Variants in ZDHHC7 observed in about 807,000 individuals in gnomAD.
ZDHHC7 encodes palmitoyltransferase ZDHHC7.
Under a neutral mutation model 34.1 loss-of-function variants are expected in ZDHHC7, and 12 were observed. The observed-to-expected ratio is 0.35, with a 90% CI of 0.23 to 0.57. The LOEUF (loss-of-function observed/expected upper bound fraction) is 0.57. Among genes scored for constraint, ZDHHC7 ranks in the 20% least tolerant of loss-of-function variants. The pLI is 0.84. For synonymous variants in ZDHHC7, 185 were observed against 155.4 expected, an observed-to-expected ratio of 1.19 and a Z score of -1.42; for missense variants, 388 against 402.7, an observed-to-expected ratio of 0.96 and a Z score of 0.31.
At chr16:84,978,588 C>T (rs2072327905) in intron 5 of ZDHHC7, among the ~76,000 whole-genome samples, 1 of 151,838 alleles carries the variant, frequency 6.6e-6, no homozygotes, top group African/African-American at 2.4e-5. Flanking sequence ...AACGGCCGGG[C>T]ACGGTGGCTC....
At chr16:84,990,140 T>G (rs984960024) in intron 3 of ZDHHC7, among the ~76,000 whole-genome samples, 164 bp downstream of exon 3, 2 of 152,214 alleles carry the variant, frequency 1.3e-5, no homozygotes, top group African/African-American at 2.4e-5. Flanking sequence ...ATGTTTATTC[T>G]CAGCCTAAAG....
At chr16:85,018,643 C>A in the ZDHHC7 span, among the ~76,000 whole-genome samples, 5 of 152,162 alleles carry the variant, frequency 3.3e-5, no homozygotes, top group Non-Finnish European at 7.4e-5. Context: ...GACGGGGTAT[C>A]TCCATGTTGG....
chr16:85,008,570 A>C (rs1335991871), intron 1 of ZDHHC7, among the ~76,000 whole-genome samples: 44 of 151,580 alleles, frequency 2.9e-4, no homozygotes, highest in Non-Finnish European at 4.4e-5. Flanking sequence ...GTGGACTGGC[A>C]CTATTCCCAC....
chr16:85,002,256 C>G (rs1011021186), intron 1 of ZDHHC7, among the ~76,000 whole-genome samples: 4 of 152,112 alleles, frequency 2.6e-5, no homozygotes, highest in African/African-American at 7.2e-5. Flanking sequence ...CTCCCCACCC[C>G]TCAAGTATGG....
At chr16:85,009,143 G>A (rs1054877216) in intron 1 of ZDHHC7, among the ~76,000 whole-genome samples, 2 of 151,614 alleles carry the variant, frequency 1.3e-5, no homozygotes, top group Non-Finnish European at 2.9e-5. Flanking sequence ...GTCCAATCAC[G>A]AAAACTATTC....
chr16:84,975,942 G>C lies in ZDHHC7; in HGVS notation c.*401C>G, dbSNP rs78079475. On this transcript the variant is annotated 3_prime_UTR_variant, in exon 8 of 8. Transcript: ENST00000313732. ...TCCGGGGAGTGCACTGCTGAGTGGC[G>C]GGGTCAGCAGGAGCCCCCTGAAATG... 786 of 210,398 alleles carry C rather than the reference G, an allele frequency of 3.7e-3. 6 individuals are homozygous for C. The highest frequency in any genetic ancestry group is 0.018 in the African/African-American group (745 of 41,998). The allele number at this position is 210,398 out of a possible 1,614,324, so 13.0% of individuals were successfully genotyped here. A position where few individuals can be genotyped will look rare whatever the true frequency, so the allele number is the denominator to read the frequency against.
intron 2 of ZDHHC7, among the ~76,000 whole-genome samples, chr16:84,991,138 T>A (rs1355865656): frequency 1.3e-5 from 2 of 152,214 alleles, no homozygotes; most frequent in Non-Finnish European, 2.9e-5. Flanking sequence ...CACCGCCTCA[T>A]ACACACTGAC....
intron 4 of ZDHHC7, 48 bp from the exon 5 acceptor site, chr16:84,979,333 C>CAGAGT: frequency 2.5e-6 from 4 of 1,577,672 alleles, no homozygotes; most frequent in Non-Finnish European, 3.4e-6. Flanking sequence ...CTGAGGAAAC[C>CAGAGT]AGAGTAACAC....
upstream of ZDHHC7, among the ~76,000 whole-genome samples, chr16:85,015,855 G>T (rs2072831930): frequency 6.6e-6 from 1 of 151,728 alleles, no homozygotes; most frequent in South Asian, 2.1e-4. Flanking sequence ...AAAAGAAAAA[G>T]AAAAAGAAAT....
At chr16:84,985,769 A>G (rs2072428109) in intron 3 of ZDHHC7, among the ~76,000 whole-genome samples, 1 of 151,966 alleles carries the variant, frequency 6.6e-6, no homozygotes, top group Non-Finnish European at 1.5e-5. Flanking sequence ...AGCCTGGCCA[A>G]TATGATGAAA....
At chr16:85,005,820 C>G (rs183350433) in intron 1 of ZDHHC7, among the ~76,000 whole-genome samples, 160 of 152,318 alleles carry the variant, frequency 1.1e-3, no homozygotes, top group African/African-American at 3.8e-3. Flanking sequence ...GAGCTAGCGT[C>G]TTTTTCCAAA....
chr16:84,993,295 T>C (rs1236867954), intron 2 of ZDHHC7, among the ~76,000 whole-genome samples: 1 of 152,132 alleles, frequency 6.6e-6, no homozygotes, highest in Non-Finnish European at 1.5e-5. Context: ...CGCTCCAGCC[T>C]GGATGACAGA....
intron 2 of ZDHHC7, among the ~76,000 whole-genome samples, chr16:84,995,074 C>G (rs2072558946): frequency 6.6e-6 from 1 of 152,142 alleles, no homozygotes. Context: ...AGGGCACAGC[C>G]TTATTCTGCA....
intron 2 of ZDHHC7, among the ~76,000 whole-genome samples, chr16:84,994,398 G>A (rs1416919245): frequency 6.6e-6 from 1 of 152,196 alleles, no homozygotes; most frequent in Non-Finnish European, 1.5e-5. Context: ...TTGCTTTATG[G>A]TGACTTCTCT....
chr16:85,009,031 G>A (rs1193187836), intron 1 of ZDHHC7, among the ~76,000 whole-genome samples: 2 of 132,632 alleles, frequency 1.5e-5, no homozygotes, highest in Non-Finnish European at 1.5e-5. Flanking sequence ...GGCAACAAGA[G>A]CGAAACTCCG....
At chr16:85,020,052 C>A in the ZDHHC7 span, among the ~76,000 whole-genome samples, 7 of 152,210 alleles carry the variant, frequency 4.6e-5, no homozygotes, top group Admixed American at 1.3e-4. Context: ...AGGTGAGCAA[C>A]ACTAGGCTAT....
chr16:84,997,757 G>A (rs552974283), intron 1 of ZDHHC7, among the ~76,000 whole-genome samples: 7 of 149,886 alleles, frequency 4.7e-5, no homozygotes, highest in Non-Finnish European at 8.9e-5. Flanking sequence ...GCTAGGCGTG[G>A]TGGTGGGCGC....
At position 84,980,585 on chromosome 16, in the gene ZDHHC7, G is replaced by A. The variant is rs113662076; in HGVS notation, c.440+1285C>T. On this transcript the variant is annotated intron_variant, in intron 4 of 7. Coordinates refer to ENST00000313732, the MANE Select transcript of ZDHHC7 (RefSeq NM_017740.3). ...CTAGGGAGGCTGAGGCACAAGAATC[G>A]CTTGAGCCTGAGAGGCAGAGGTTGC... Among the ~76,000 whole-genome samples the A allele has an allele frequency of 5.1e-3, 770 of 152,102 alleles. 7 individuals carry two copies. The highest frequency in any genetic ancestry group is 0.018 in the African/African-American group (738 of 41,530).
rs746204187 is a variant in ZDHHC7 at position 85,006,288 on chromosome 16, G to T, written c.-104+4998C>A. On this transcript the variant is annotated intron_variant, in intron 1 of 7. Coordinates refer to ENST00000313732, the MANE Select transcript of ZDHHC7 (RefSeq NM_017740.3). ...GCAGGAGGATTACTTGAGCCCAGGCGTTCAAGGCTGCAGTGAGCTATGACT... is the reference window on the plus strand; with the variant it reads ...GCAGGAGGATTACTTGAGCCCAGGCTTTCAAGGCTGCAGTGAGCTATGACT... Among the ~76,000 whole-genome samples the T allele has an allele frequency of 9.9e-4, 151 of 152,126 alleles. 2 individuals are homozygous for T. Among genetic ancestry groups the T allele is most frequent in the Non-Finnish European group, 1.3e-3 (86 of 68,030 alleles).
Sources: allele counts gnomAD v4.1 joint callset (sites outside exome capture counted in the v4.1 genomes callset), GRCh38; gene constraint gnomAD v4.1.1; transcripts MANE v1.5; gene names NCBI Gene and HGNC (gene_info 2026-07-23, HGNC 2026-07-21).